Variants in CALD1 observed in about 807,000 individuals in gnomAD.
CALD1 encodes the protein caldesmon.
In CALD1, 33 loss-of-function variants were observed where a neutral mutation model predicts 99.9. The observed-to-expected ratio is 0.33, with a 90% CI of 0.25 to 0.44. CALD1 has a LOEUF of 0.44. Among genes scored for constraint, CALD1 ranks in the 20% least tolerant of loss-of-function variants. The pLI is 1.00. For synonymous variants in CALD1, 310 were observed against 325.0 expected, an observed-to-expected ratio of 0.95 and a Z score of 0.50; for missense variants, 861 against 962.1, an observed-to-expected ratio of 0.89 and a Z score of 1.39.
At chr7:134,799,543 G>A (rs1468656455) in intron 1 of CALD1, among the ~76,000 whole-genome samples, 1 of 152,196 alleles carries the variant, frequency 6.6e-6, no homozygotes, top group Admixed American at 6.5e-5. Flanking sequence ...ACAGATTTAT[G>A]GAACCAGATG....
intron 1 of CALD1, among the ~76,000 whole-genome samples, chr7:134,790,281 C>T (rs1318157193): frequency 6.6e-6 from 1 of 152,152 alleles, no homozygotes; most frequent in Non-Finnish European, 1.5e-5. Context: ...TAAGCTAGCT[C>T]ATTCAGCTAC....
At chr7:134,841,786 C>T (rs566388823) in intron 1 of CALD1, among the ~76,000 whole-genome samples, 2 of 152,132 alleles carry the variant, frequency 1.3e-5, no homozygotes, top group Non-Finnish European at 2.9e-5. Context: ...GTGTACTCTA[C>T]GAACAGACAT....
chr7:134,890,766 G>C (rs1437887774), intron 3 of CALD1, among the ~76,000 whole-genome samples: 1 of 152,204 alleles, frequency 6.6e-6, no homozygotes, highest in Non-Finnish European at 1.5e-5. Context: ...AGTACCATGG[G>C]TGCAGACGGG....
intron 1 of CALD1, among the ~76,000 whole-genome samples, chr7:134,807,817 G>C (rs894067125): frequency 1.3e-5 from 2 of 152,026 alleles, no homozygotes. Context: ...TATTAGAGAC[G>C]GGGTTTCACC....
chr7:134,840,859 C>T (rs990310102), intron 1 of CALD1, among the ~76,000 whole-genome samples: 1 of 152,058 alleles, frequency 6.6e-6, no homozygotes, highest in Non-Finnish European at 1.5e-5. Flanking sequence ...ATATCAAATA[C>T]CTCGCAAATA....
intron 1 of CALD1, among the ~76,000 whole-genome samples, chr7:134,828,200 G>T (rs1030651271): frequency 6.6e-6 from 1 of 152,162 alleles, no homozygotes; most frequent in Non-Finnish European, 1.5e-5. Flanking sequence ...CAATATCGCG[G>T]CTGGTGTATG....
At chr7:134,748,838 G>A (rs1173304309) in intron 1 of CALD1, among the ~76,000 whole-genome samples, 1 of 152,104 alleles carries the variant, frequency 6.6e-6, no homozygotes, top group Non-Finnish European at 1.5e-5. Flanking sequence ...CCCTCAAGGT[G>A]ACGGTATTAT....
chr7:134,824,718 T>C (rs1231163233), intron 1 of CALD1, among the ~76,000 whole-genome samples: 3 of 152,218 alleles, frequency 2.0e-5, no homozygotes, highest in Non-Finnish European at 4.4e-5. Context: ...CTACAATAAA[T>C]GTAATTTTTT....
chr7:134,820,485 T>G (rs1464125568), intron 1 of CALD1, among the ~76,000 whole-genome samples: 1 of 152,190 alleles, frequency 6.6e-6, no homozygotes, highest in Non-Finnish European at 1.5e-5. Context: ...AGATGTTGGG[T>G]GATCTTATCC....
chr7:134,787,235 T>C (rs1585931083), intron 1 of CALD1, among the ~76,000 whole-genome samples: 1 of 152,154 alleles, frequency 6.6e-6, no homozygotes, highest in East Asian at 1.9e-4. Flanking sequence ...CCCTGTAAGG[T>C]CAAATTTTTC....
At chr7:134,963,806 T>C (rs1211343393) in intron 13 of CALD1, among the ~76,000 whole-genome samples, 2 of 152,238 alleles carry the variant, frequency 1.3e-5, no homozygotes, top group African/African-American at 4.8e-5. Context: ...TTGTGATGAA[T>C]GTTTATATTT....
intron 1 of CALD1, among the ~76,000 whole-genome samples, chr7:134,792,307 G>C (rs1488974075): frequency 1.2e-3 from 45 of 36,730 alleles, no homozygotes; most frequent in African/African-American, 4.3e-3. Context: ...TTTTTTTTTT[G>C]AGATGGAGTT....
intron 1 of CALD1, among the ~76,000 whole-genome samples, chr7:134,774,344 C>T (rs541156935): frequency 2.0e-5 from 3 of 152,214 alleles, no homozygotes; most frequent in Admixed American, 2.0e-4. Flanking sequence ...GGGATACAAA[C>T]CTGATTGTCG....
chr7:134,893,117 T>A (rs1802324330), intron 3 of CALD1, among the ~76,000 whole-genome samples: 1 of 152,156 alleles, frequency 6.6e-6, no homozygotes, highest in Admixed American at 6.5e-5. Flanking sequence ...TTGTTTCCAC[T>A]CCTTCATGCC....
At chr7:134,931,065 A>C (rs1224651178) in intron 4 of CALD1, among the ~76,000 whole-genome samples, 3 of 151,472 alleles carry the variant, frequency 2.0e-5, no homozygotes, top group Non-Finnish European at 4.4e-5. Flanking sequence ...GTTATTCATT[A>C]TTTCATGCTA....
In CALD1 at chr7:134,756,364, T is replaced by C. The variant is rs5887703; in HGVS notation, c.-130+12001T>C. On this transcript the variant is annotated intron_variant, in intron 1 of 13. Coordinates refer to the CALD1 transcript ENST00000417172. ...CTATCTCTATCATATGGCATTTTTTTCCTATATTTGTAGGTCCATTTTGAG... is the reference window on the plus strand; with the variant it reads ...CTATCTCTATCATATGGCATTTTTTCCCTATATTTGTAGGTCCATTTTGAG... Among the ~76,000 whole-genome samples, 1,134 of 146,998 alleles carry C rather than the reference T, an allele frequency of 7.7e-3. 12 individuals carry two copies. The highest frequency in any genetic ancestry group is 0.027 in the African/African-American group (1,064 of 39,418).
At chr7:134,913,384 A>G (rs1477537904) in intron 3 of CALD1, among the ~76,000 whole-genome samples, 3 of 152,252 alleles carry the variant, frequency 2.0e-5, no homozygotes, top group Non-Finnish European at 4.4e-5. Flanking sequence ...AAGATGTTTC[A>G]AAAATAATTA....
At chr7:134,866,567 T>C (rs1420099126) in intron 2 of CALD1, among the ~76,000 whole-genome samples, 3 of 152,014 alleles carry the variant, frequency 2.0e-5, no homozygotes, top group Non-Finnish European at 4.4e-5. Flanking sequence ...TTTAAGAAGG[T>C]TTCTGAACTT....
At chr7:134,923,459 A>T (rs957625010) in intron 3 of CALD1, among the ~76,000 whole-genome samples, 1 of 152,246 alleles carries the variant, frequency 6.6e-6, no homozygotes, top group African/African-American at 2.4e-5. Flanking sequence ...ACTCCTTCTG[A>T]ATCATCTGGG....
Sources: gnomAD v4.1 joint callset for allele counts (sites outside exome capture counted in the v4.1 genomes callset) on GRCh38, gnomAD v4.1.1 for gene constraint, MANE v1.5 for transcripts, NCBI Gene and HGNC (gene_info 2026-07-23, HGNC 2026-07-21) for gene names.